RBP7: variants seen among roughly 807,000 people sequenced by gnomAD.
RBP7 encodes the protein retinoid-binding protein 7.
In RBP7, 13 loss-of-function variants were observed where a neutral mutation model predicts 16.7. That is an observed-to-expected ratio of 0.78 (90% CI 0.51 to 1.24). The LOEUF is 1.24. RBP7 is among the 50% of genes most tolerant of loss of function. The pLI, the probability that RBP7 is intolerant of heterozygous loss-of-function variation, is 0.00. For synonymous variants in RBP7, 54 were observed against 56.2 expected, an observed-to-expected ratio of 0.96 and a Z score of 0.17; for missense variants, 145 against 159.5, an observed-to-expected ratio of 0.91 and a Z score of 0.49.
In RBP7 at chr1:9,999,814, C is replaced by CTT. The variant is rs70998341; in HGVS notation, c.73+2504_73+2505dup. 7.0e-3 allele frequency among the ~76,000 whole-genome samples: 740 copies of CTT among 105,768 alleles called. 11 individuals are homozygous for CTT. Among genetic ancestry groups the CTT allele is most frequent in the African/African-American group, 0.02 (709 of 34,790 alleles). 69.4% of individuals were successfully genotyped at this position (105,768 alleles called of 152,430 possible). ...GTTGTTTACATAATACTGTAATACT[C>CTT]TTTTTTTTTTTTTTTTTTTTTTAGA... On this transcript the variant is annotated intron_variant, in intron 1 of 3. Coordinates refer to ENST00000294435, the MANE Select transcript of RBP7 (RefSeq NM_052960.3).
intron 1 of RBP7, among the ~76,000 whole-genome samples, chr1:10,006,751 G>T (rs142085911): frequency 2.9e-5 from 4 of 138,458 alleles, no homozygotes; most frequent in African/African-American, 1.1e-4. Flanking sequence ...GTGTGTGTGT[G>T]TATATATATA....
At chr1:10,000,284 C>A (rs570142031) in intron 1 of RBP7, among the ~76,000 whole-genome samples, 1 of 151,578 alleles carries the variant, frequency 6.6e-6, no homozygotes, top group Non-Finnish European at 1.5e-5. Flanking sequence ...ATAATCCCAG[C>A]ACTTTGGGAG....
chr1:10,011,930 A>T (rs1642631127), intron 3 of RBP7, among the ~76,000 whole-genome samples: 1 of 151,990 alleles, frequency 6.6e-6, no homozygotes, highest in Non-Finnish European at 1.5e-5. Context: ...AGCCGGGCGC[A>T]GTGGCTCATG....
At chr1:10,012,939 C>CA (rs760583223) in intron 3 of RBP7, among the ~76,000 whole-genome samples, 2,769 of 71,114 alleles carry the variant, frequency 0.039, 113 homozygotes, top group Admixed American at 0.099. Flanking sequence ...GAAACTGTCT[C>CA]AAAAAAAAAA....
intron 1 of RBP7, among the ~76,000 whole-genome samples, chr1:9,998,472 ATC>A (rs1642213466): frequency 1.5e-5 from 2 of 131,364 alleles, no homozygotes; most frequent in Admixed American, 1.8e-4. Context: ...CAGTAGTACG[ATC>A]TCGGCTCACT....
At chr1:10,003,909 C>T (rs575164740) in intron 1 of RBP7, among the ~76,000 whole-genome samples, 12 of 151,880 alleles carry the variant, frequency 7.9e-5, no homozygotes, top group Admixed American at 2.0e-4. Flanking sequence ...GCACCCCCCA[C>T]CACGCCTGAC....
Position 9,997,304 on chromosome 1 carries a change from A to G in RBP7, c.46A>G (p.Asn16Asp). ...SGTWTLLSSD[N>D]FEGYMLALGI... ...TACTTGGACCCTGCTCAGCAGCGAC[A>G]ACTTCGAGGGCTACATGCTGGCCCT... Residue 16 changes from asparagine (N) to aspartate (D), a missense_variant, in exon 1 of 4, where the codon AAC becomes GAC. By Grantham distance (23) the Asn-to-Asp change is conservative. Coordinates refer to ENST00000294435, the MANE Select transcript of RBP7 (RefSeq NM_052960.3). This position sits in a 1 kb window ranked among gnomAD's most constrained non-coding sequence, Gnocchi z 5.9. 1.2e-6 allele frequency: 2 copies of G among 1,611,236 alleles called. No homozygotes were observed. The highest frequency in any genetic ancestry group is 1.7e-6 in the Non-Finnish European group (2 of 1,179,090).
At position 10,007,603 on chromosome 1, in the gene RBP7, T is replaced by G; in HGVS notation, c.107T>G (p.Leu36Trp). 1 of 1,612,610 alleles carries G rather than the reference T, an allele frequency of 6.2e-7. No homozygotes were observed. Among genetic ancestry groups the G allele is most frequent in the Non-Finnish European group, 8.5e-7 (1 of 1,179,660 alleles). The change falls in exon 2 of 4, where the codon TTG becomes TGG. Residue 36 changes from leucine to tryptophan, a missense_variant. Physicochemically the swap from Leu to Trp is moderately conservative, Grantham distance 61. Transcript: ENST00000294435. ...IDFATRKIAK[L>W]LKPQKVIEQN... Reference sequence around the variant, plus strand: ...TTTGCCACTCGTAAAATAGCCAAGTTGCTGAAGCCACAGAAAGTGATTGAG... The same window carrying G: ...TTTGCCACTCGTAAAATAGCCAAGTGGCTGAAGCCACAGAAAGTGATTGAG...
intron 3 of RBP7, among the ~76,000 whole-genome samples, chr1:10,012,211 CAA>C (rs35228920): frequency 1.6e-4 from 8 of 50,728 alleles, no homozygotes; most frequent in East Asian, 6.8e-4. Flanking sequence ...AACTCCATCT[CAA>C]AAAAAAAAAA....
chr1:10,000,969 C>T (rs921499835), intron 1 of RBP7, among the ~76,000 whole-genome samples: 5 of 152,096 alleles, frequency 3.3e-5, no homozygotes, highest in Admixed American at 2.6e-4. Context: ...CTCCTGACCT[C>T]GTGATCCACC....
intron 3 of RBP7, among the ~76,000 whole-genome samples, chr1:10,009,402 CA>C (rs201535530): frequency 4.8e-5 from 7 of 145,946 alleles, no homozygotes; most frequent in African/African-American, 1.0e-4. Flanking sequence ...GAGGCCGTTT[CA>C]AAAAAAAATA....
At chr1:10,007,107 C>T (rs931683415) in intron 1 of RBP7, 5 of 327,206 alleles carry the variant, frequency 1.5e-5, no homozygotes, top group Admixed American at 4.5e-5. Context: ...CCACCATGCC[C>T]GGCTAATTTT....
At chr1:9,998,500 C>G (rs1045193682) in intron 1 of RBP7, among the ~76,000 whole-genome samples, 1 of 150,074 alleles carries the variant, frequency 6.7e-6, no homozygotes, top group Non-Finnish European at 1.5e-5. Context: ...CTCCGCCTAC[C>G]GGGTTCACGC....
intron 1 of RBP7, among the ~76,000 whole-genome samples, chr1:9,999,814 C>CTTTTT (rs70998341): frequency 2.8e-5 from 3 of 105,848 alleles, no homozygotes; most frequent in East Asian, 2.5e-4. Flanking sequence ...CTGTAATACT[C>CTTTTT]TTTTTTTTTT....
At chr1:9,998,221 A>G (rs1008484089) in intron 1 of RBP7, among the ~76,000 whole-genome samples, 7 of 151,432 alleles carry the variant, frequency 4.6e-5, no homozygotes, top group African/African-American at 1.7e-4. Flanking sequence ...CCAACTCCTG[A>G]CCTCAGGTGA....
Position 10,009,520 on chromosome 1 carries a change from TA to T in RBP7, c.354+1247del, listed in dbSNP as rs1222325770. On this transcript the variant is annotated intron_variant, in intron 3 of 3. Coordinates refer to ENST00000294435, the MANE Select transcript of RBP7 (RefSeq NM_052960.3). Reference sequence around the variant, plus strand: ...CACCCAAGCTGAAAAGTTAATGTCTTATTTTTTTTTTTTTTTTGAGATGGAG... The same window carrying T: ...CACCCAAGCTGAAAAGTTAATGTCTTTTTTTTTTTTTTTTTTGAGATGGAG... 2.0e-4 allele frequency among the ~76,000 whole-genome samples: 28 copies of T among 138,720 alleles called. No homozygotes were observed. In the East Asian group the frequency reaches 2.4e-3, roughly 12 times the overall value. The allele number at this position is 138,720 out of a possible 152,430, so 91.0% of individuals were successfully genotyped here.
At chr1:10,001,756 T>A (rs1276029243) in intron 1 of RBP7, among the ~76,000 whole-genome samples, 1 of 152,168 alleles carries the variant, frequency 6.6e-6, no homozygotes, top group Non-Finnish European at 1.5e-5. Context: ...GTGGTGTTAC[T>A]AACTTGTCCC....
At position 10,009,577 on chromosome 1, in the gene RBP7, G is replaced by A. The variant is rs576000814; in HGVS notation, c.354+1303G>A. Among the ~76,000 whole-genome samples the A allele has an allele frequency of 2.7e-5, 4 of 147,716 alleles. No homozygotes were observed. In the South Asian group the frequency reaches 8.6e-4, roughly 32 times the overall value. The stretch of plus-strand genomic sequence containing the variant: ...CCCTCTGTCACCCAGTGTCACCCAC[G>A]CTGGAGTGCAGTGGTGTGATCTCAG... On this transcript the variant is annotated intron_variant, in intron 3 of 3. Transcript: ENST00000294435.
At chr1:10,005,104 A>G (rs570354872) in intron 1 of RBP7, among the ~76,000 whole-genome samples, 17 of 152,278 alleles carry the variant, frequency 1.1e-4, no homozygotes, top group African/African-American at 3.6e-4. Context: ...TCAAACTAAA[A>G]ACTGGAGTTC....
Sources: gnomAD v4.1 joint callset for allele counts (sites outside exome capture counted in the v4.1 genomes callset) on GRCh38, gnomAD v4.1.1 for gene constraint, Gnocchi (gnomAD v3.1) non-coding constraint, MANE v1.5 for transcripts, NCBI Gene and HGNC (gene_info 2026-07-23, HGNC 2026-07-21) for gene names.